Variants in ZDHHC2 observed in about 807,000 individuals in gnomAD.
ZDHHC2 encodes the protein palmitoyltransferase ZDHHC2.
A neutral mutation model predicts 55.6 loss-of-function variants in ZDHHC2; 51 were observed. The observed-to-expected ratio is 0.92, with a 90% CI of 0.73 to 1.16. ZDHHC2 has a LOEUF of 1.16. ZDHHC2 is among the 50% of genes most tolerant of loss of function. The pLI is 0.00. For missense variants in ZDHHC2, 491 were observed against 442.4 expected (o/e 1.11, Z -0.99); for synonymous variants, 199 against 152.9 (o/e 1.30, Z -2.22).
chr8:17,213,004 T>C (rs375225493), intron 10 of ZDHHC2, among the ~76,000 whole-genome samples: 1 of 152,092 alleles, frequency 6.6e-6, no homozygotes, highest in Non-Finnish European at 1.5e-5. Context: ...CATTCTTTTT[T>C]ACTTTCCTTT....
intron 6 of ZDHHC2, among the ~76,000 whole-genome samples, chr8:17,203,616 A>G (rs1585723052): frequency 6.6e-6 from 1 of 152,118 alleles, no homozygotes; most frequent in African/African-American, 2.4e-5. Flanking sequence ...CAAAGGGAAT[A>G]CCCTGTATCC....
intron 1 of ZDHHC2, among the ~76,000 whole-genome samples, chr8:17,160,023 A>C (rs531398439): frequency 7.2e-5 from 11 of 152,304 alleles, no homozygotes; most frequent in Admixed American, 1.3e-4. Flanking sequence ...TTTAGGATGC[A>C]CTATGAGAGG....
intron 3 of ZDHHC2, among the ~76,000 whole-genome samples, chr8:17,188,525 A>T (rs1432726803): frequency 6.6e-6 from 1 of 152,090 alleles, no homozygotes; most frequent in Non-Finnish European, 1.5e-5. Context: ...TTCCATTCAT[A>T]CTGGCAGCTC....
At chr8:17,189,133 T>G (rs1805890024) in intron 3 of ZDHHC2, among the ~76,000 whole-genome samples, 1 of 148,740 alleles carries the variant, frequency 6.7e-6, no homozygotes, top group Non-Finnish European at 1.5e-5. Context: ...TTATGTTTTT[T>G]TTTTTTTTTT....
intron 12 of ZDHHC2, among the ~76,000 whole-genome samples, chr8:17,218,988 C>T (rs1192259122): frequency 2.0e-5 from 3 of 152,020 alleles, no homozygotes; most frequent in South Asian, 2.1e-4. Flanking sequence ...CGGTGGCTCA[C>T]GCCTGGTAAT....
chr8:17,170,972 A>G (rs1405384497), intron 1 of ZDHHC2, among the ~76,000 whole-genome samples: 1 of 152,220 alleles, frequency 6.6e-6, no homozygotes, highest in Non-Finnish European at 1.5e-5. Context: ...GGAGTATTTC[A>G]GGACATAAAT....
intron 1 of ZDHHC2, among the ~76,000 whole-genome samples, chr8:17,178,213 G>C (rs1156349468): frequency 6.6e-6 from 1 of 152,076 alleles, no homozygotes; most frequent in Non-Finnish European, 1.5e-5. Flanking sequence ...TACCATTTAG[G>C]ACAGTAACAC....
chr8:17,170,558 C>T (rs371478668), intron 1 of ZDHHC2, among the ~76,000 whole-genome samples: 2 of 152,180 alleles, frequency 1.3e-5, no homozygotes, highest in Non-Finnish European at 1.5e-5. Context: ...TCATATAGTA[C>T]TCAACATATA....
intron 10 of ZDHHC2, among the ~76,000 whole-genome samples, 181 bp from the exon 11 acceptor site, chr8:17,215,056 T>G (rs1304558974): frequency 6.6e-6 from 1 of 152,178 alleles, no homozygotes; most frequent in Non-Finnish European, 1.5e-5. Flanking sequence ...GATAGAACAC[T>G]TTTCTCACCG....
At chr8:17,207,199 C>T (rs1026841789) in intron 7 of ZDHHC2, among the ~76,000 whole-genome samples, 2 of 152,170 alleles carry the variant, frequency 1.3e-5, no homozygotes, top group African/African-American at 4.8e-5. Context: ...AATCTCAGGA[C>T]CATTTATCAG....
intron 1 of ZDHHC2, among the ~76,000 whole-genome samples, chr8:17,167,135 C>G (rs988063019): frequency 2.0e-5 from 3 of 152,008 alleles, no homozygotes; most frequent in East Asian, 1.9e-4. Flanking sequence ...TTGGATGAAT[C>G]AAAAGATGAG....
In ZDHHC2 at chr8:17,210,066, T is replaced by C; in HGVS notation, c.857+8T>C. On this transcript the variant is annotated splice_region_variant and intron_variant, in intron 9 of 12. Coordinates refer to ENST00000262096, the MANE Select transcript of ZDHHC2 (RefSeq NM_016353.5). The stretch of plus-strand genomic sequence containing the variant: ...GCTACCCATTTTTTCAAGGTACTTC[T>C]TTGTTAAAATTTTCAGGCTTTAAAC... The C allele has an allele frequency of 1.9e-6, 3 of 1,582,290 alleles. No individual in the cohort carries two copies. The highest frequency in any genetic ancestry group is 2.6e-6 in the Non-Finnish European group (3 of 1,163,472).
chr8:17,188,186 C>T (rs975086735), intron 3 of ZDHHC2, among the ~76,000 whole-genome samples: 2 of 152,182 alleles, frequency 1.3e-5, no homozygotes, highest in African/African-American at 4.8e-5. Context: ...TACTGGAAAA[C>T]CATCTTAAGG....
chr8:17,192,972 G>A (rs1806110740), intron 3 of ZDHHC2, among the ~76,000 whole-genome samples: 2 of 152,048 alleles, frequency 1.3e-5, no homozygotes, highest in Non-Finnish European at 2.9e-5. Context: ...TTTTCCATTG[G>A]TCTATGTATG....
chr8:17,217,338 G>A (rs1807697966), intron 12 of ZDHHC2, 92 bp downstream of exon 12: 9 of 943,564 alleles, frequency 9.5e-6, no homozygotes, highest in Non-Finnish European at 1.4e-5. Context: ...TTAATAATTT[G>A]TGAGTGATTC....
At chr8:17,208,352 A>G (rs1221713513) in intron 8 of ZDHHC2, among the ~76,000 whole-genome samples, 3 of 151,038 alleles carry the variant, frequency 2.0e-5, no homozygotes, top group Admixed American at 6.6e-5. Context: ...ATAGTGGCAT[A>G]TAGATATATA....
At chr8:17,198,923 C>G (rs1018583803) in intron 6 of ZDHHC2, among the ~76,000 whole-genome samples, 2 of 152,196 alleles carry the variant, frequency 1.3e-5, no homozygotes, top group Non-Finnish European at 2.9e-5. Context: ...GCTAATATTT[C>G]TCAGTCACGA....
intron 3 of ZDHHC2, among the ~76,000 whole-genome samples, chr8:17,187,951 T>G (rs764949012): frequency 6.6e-6 from 1 of 152,244 alleles, no homozygotes; most frequent in Non-Finnish European, 1.5e-5. Context: ...TTATGTCAGT[T>G]AATGGGCAGT....
chr8:17,209,229 A>G (rs1807253961), intron 8 of ZDHHC2, among the ~76,000 whole-genome samples: 1 of 152,206 alleles, frequency 6.6e-6, no homozygotes, highest in Admixed American at 6.5e-5. Flanking sequence ...CACCAGATGC[A>G]ATACATGGTT....
Sources: gnomAD v4.1 joint callset for allele counts (sites outside exome capture counted in the v4.1 genomes callset) on GRCh38, gnomAD v4.1.1 for gene constraint, MANE v1.5 for transcripts, NCBI Gene and HGNC (gene_info 2026-07-23, HGNC 2026-07-21) for gene names.